Variants in BRINP1 observed in about 807,000 individuals in gnomAD.
BRINP1 encodes BMP/retinoic acid inducible neural specific 1, also known as BMP/retinoic acid-inducible neural-specific protein 1.
BRINP1 carries 17 observed loss-of-function variants against 72.9 expected under a neutral mutation model. That is an observed-to-expected ratio of 0.23 (90% CI 0.16 to 0.35). The LOEUF (loss-of-function observed/expected upper bound fraction) is 0.35. Ranked by LOEUF, BRINP1 falls within the 10% of genes least tolerant of loss-of-function variation. The probability of loss-of-function intolerance (pLI) is 1.00; values close to 1 mark genes in which losing one functional copy is unlikely to be tolerated. For missense variants in BRINP1, 850 were observed against 1,001.6 expected, an observed-to-expected ratio of 0.85 and a Z score of 2.04; for synonymous variants, 418 against 378.5, an observed-to-expected ratio of 1.10 and a Z score of -1.21.
chr9:119,311,055 C>T (rs1319617014), intron 2 of BRINP1, among the ~76,000 whole-genome samples: 1 of 152,182 alleles, frequency 6.6e-6, no homozygotes, highest in Non-Finnish European at 1.5e-5. Context: ...CAGTTATACA[C>T]ATCCTGCACA....
In BRINP1 at chr9:119,303,181, A is replaced by T. The variant is rs543256231; in HGVS notation, c.218+9957T>A. 2.3e-4 allele frequency among the ~76,000 whole-genome samples: 35 copies of T among 152,182 alleles called. No individual in the cohort carries two copies. In the South Asian group the frequency reaches 7.1e-3, roughly 31 times the overall value. ...GCTAGAGTCGCAGAGAGGCTGTCAC[A>T]AGTGCTCAGCGACGGAAGCTGTACC... is the stretch of plus-strand genomic sequence containing the variant. On this transcript the variant is annotated intron_variant, in intron 2 of 7. Coordinates refer to ENST00000265922, the MANE Select transcript of BRINP1 (RefSeq NM_014618.3).
At chr9:119,251,769 A>T (rs1174583385) in intron 2 of BRINP1, among the ~76,000 whole-genome samples, 4 of 152,104 alleles carry the variant, frequency 2.6e-5, no homozygotes, top group Non-Finnish European at 1.5e-5. Context: ...GCATGGGGGA[A>T]AGACCTTGAC....
At chr9:119,359,699 G>A (rs1376998901) in intron 1 of BRINP1, among the ~76,000 whole-genome samples, 3 of 152,182 alleles carry the variant, frequency 2.0e-5, no homozygotes, top group Non-Finnish European at 4.4e-5. Flanking sequence ...AATTGACTCA[G>A]TATATGGCCT....
intron 2 of BRINP1, among the ~76,000 whole-genome samples, chr9:119,311,821 C>T (rs1310837977): frequency 6.6e-6 from 1 of 152,156 alleles, no homozygotes; most frequent in Non-Finnish European, 1.5e-5. Context: ...TTGCAACACT[C>T]CACATTTGGA....
chr9:119,341,467 T>C lies in BRINP1; in HGVS notation c.-51+27589A>G, dbSNP rs565653507. Among the ~76,000 whole-genome samples the C allele has an allele frequency of 5.9e-5, 9 of 152,236 alleles. No homozygotes were observed. In the South Asian group the frequency reaches 1.9e-3, roughly 32 times the overall value. ...GACTTTGAGAGTTTAGGATGGTGTG[T>C]AAAGGATACACATTCAGTAGAAAGC... On this transcript the variant is annotated intron_variant, in intron 1 of 7. Transcript: ENST00000265922.
chr9:119,169,609 C>T (rs961844610), intron 7 of BRINP1, among the ~76,000 whole-genome samples: 1 of 152,220 alleles, frequency 6.6e-6, no homozygotes, highest in African/African-American at 2.4e-5. Flanking sequence ...CCGGGAAGCT[C>T]GAACTGGGTG....
chr9:119,271,383 T>C (rs1473619775), intron 2 of BRINP1, among the ~76,000 whole-genome samples: 1 of 151,846 alleles, frequency 6.6e-6, no homozygotes, highest in African/African-American at 2.4e-5. Flanking sequence ...AAAACAATGA[T>C]GAAAAAATTT....
chr9:119,228,655 T>C (rs1036223211), intron 5 of BRINP1, among the ~76,000 whole-genome samples: 1 of 152,010 alleles, frequency 6.6e-6, no homozygotes, highest in Non-Finnish European at 1.5e-5. Context: ...GAATGCAAGG[T>C]ATCTCTGGTA....
At chr9:119,236,941 G>A (rs989063833) in intron 5 of BRINP1, among the ~76,000 whole-genome samples, 2 of 152,008 alleles carry the variant, frequency 1.3e-5, no homozygotes, top group African/African-American at 4.8e-5. Flanking sequence ...TTTCCCTGAG[G>A]GATTTTCATT....
intron 2 of BRINP1, among the ~76,000 whole-genome samples, chr9:119,288,807 T>C (rs1299937740): frequency 6.6e-6 from 1 of 152,134 alleles, no homozygotes; most frequent in African/African-American, 2.4e-5. Context: ...TGTTTTTTTT[T>C]TTAGATGGAG....
intron 1 of BRINP1, among the ~76,000 whole-genome samples, chr9:119,354,509 G>C (rs1049018428): frequency 6.6e-6 from 1 of 152,028 alleles, no homozygotes; most frequent in Non-Finnish European, 1.5e-5. Flanking sequence ...AATCTCCATC[G>C]AATCTCAGGC....
At chr9:119,169,724 T>C (rs1052111871) in intron 7 of BRINP1, among the ~76,000 whole-genome samples, 4 of 152,246 alleles carry the variant, frequency 2.6e-5, no homozygotes, top group African/African-American at 9.6e-5. Context: ...CAGACTTAAA[T>C]GTTCCTGTCT....
chr9:119,298,927 G>T (rs756366609), intron 2 of BRINP1, among the ~76,000 whole-genome samples: 5 of 151,798 alleles, frequency 3.3e-5, no homozygotes, highest in Non-Finnish European at 7.4e-5. Flanking sequence ...TTTTTTTAAA[G>T]GTAAGTATTT....
At chr9:119,354,153 T>C (rs1386160663) in intron 1 of BRINP1, among the ~76,000 whole-genome samples, 1 of 152,178 alleles carries the variant, frequency 6.6e-6, no homozygotes, top group Non-Finnish European at 1.5e-5. Flanking sequence ...TATACATTTT[T>C]TGACATGCCT....
At chr9:119,241,459 G>A (rs1394917282) in intron 4 of BRINP1, among the ~76,000 whole-genome samples, 5 of 152,170 alleles carry the variant, frequency 3.3e-5, no homozygotes, top group Non-Finnish European at 5.9e-5. Context: ...AGCCCACCAT[G>A]CCTAAAATAA....
At chr9:119,309,738 T>C (rs1831041578) in intron 2 of BRINP1, among the ~76,000 whole-genome samples, 1 of 152,158 alleles carries the variant, frequency 6.6e-6, no homozygotes, top group Non-Finnish European at 1.5e-5. Flanking sequence ...GAAAAGATCA[T>C]TGTTTCATTA....
At chr9:119,301,250 C>T (rs1830935371) in intron 2 of BRINP1, among the ~76,000 whole-genome samples, 1 of 152,124 alleles carries the variant, frequency 6.6e-6, no homozygotes, top group Non-Finnish European at 1.5e-5. Flanking sequence ...CCCAGCTGAC[C>T]AAGTTAAAAA....
intron 3 of BRINP1, among the ~76,000 whole-genome samples, chr9:119,243,171 T>C (rs993031597): frequency 5.3e-5 from 8 of 152,128 alleles, no homozygotes; most frequent in African/African-American, 1.9e-4. Context: ...ACCTAAGTAT[T>C]AAACCCAGCA....
chr9:119,186,664 T>G (rs1263969458), intron 7 of BRINP1, among the ~76,000 whole-genome samples: 1 of 152,152 alleles, frequency 6.6e-6, no homozygotes, highest in Non-Finnish European at 1.5e-5. Context: ...TATCACCTTG[T>G]CCACTATGTC....
Sources: gnomAD v4.1 joint callset for allele counts (sites outside exome capture counted in the v4.1 genomes callset) on GRCh38, gnomAD v4.1.1 for gene constraint, MANE v1.5 for transcripts, NCBI Gene and HGNC (gene_info 2026-07-23, HGNC 2026-07-21) for gene names.